The following FAM9A variants were observed in gnomAD, a reference collection of about 807,000 sequenced individuals.
FAM9A encodes the protein protein FAM9A.
FAM9A carries 49 observed loss-of-function variants against 25.0 expected under a neutral mutation model. The observed-to-expected ratio is 1.96, with a 90% CI of 1.56 to 2.48. FAM9A has a LOEUF of 2.48. FAM9A is among the 30% of genes most tolerant of loss of function. The probability of loss-of-function intolerance (pLI) is 0.00; values close to 1 mark genes in which losing one functional copy is unlikely to be tolerated. For missense variants in FAM9A, 266 were observed against 249.3 expected, an observed-to-expected ratio of 1.07 and a Z score of -0.45; for synonymous variants, 80 against 85.1, an observed-to-expected ratio of 0.94 and a Z score of 0.33.
intron 2 of FAM9A, among the ~76,000 whole-genome samples, chrX:8,799,329 G>A (rs1416081208): frequency 9.0e-6 from 1 of 110,516 alleles, no homozygotes; most frequent in Non-Finnish European, 1.9e-5. Flanking sequence ...AATGGCCCCT[G>A]CAGGATCCTT....
chrX:8,794,926 G>A (rs932303978), intron 7 of FAM9A, 152 bp downstream of exon 7: 2 of 839,970 alleles, frequency 2.4e-6, no homozygotes, highest in African/African-American at 4.1e-5. Flanking sequence ...AATGCTGCGT[G>A]GCAATTATAT....
At position 8,801,380 on chromosome X, in the gene FAM9A, A is replaced by G. The variant is rs748714188; in HGVS notation, c.-108T>C. The G allele has an allele frequency of 7.1e-5, 8 of 112,039 alleles. No homozygotes were observed. The highest frequency in any genetic ancestry group is 1.3e-4 in the Non-Finnish European group (7 of 53,069). The allele number at this position is 112,039 out of a possible 1,213,427, so 9.2% of individuals were successfully genotyped here. On this transcript the variant is annotated 5_prime_UTR_variant, in exon 1 of 10. Transcript: ENST00000381003. Reference sequence around the variant, plus strand: ...TGGCACCACGACGCTCTCTTAGAAAAATGGGTCCTCAGTTCTCGCGAGAGC... The same window carrying G: ...TGGCACCACGACGCTCTCTTAGAAAGATGGGTCCTCAGTTCTCGCGAGAGC...
rs144289801 is a variant in FAM9A, at chrX:8,800,373, G to C, written c.-38-164C>G. 7.3e-3 allele frequency among the ~76,000 whole-genome samples: 816 copies of C among 111,058 alleles called. 2 individuals carry two copies. The highest frequency in any genetic ancestry group is 0.011 in the African/African-American group (343 of 30,595). On this transcript the variant is annotated intron_variant, in intron 1 of 9. Coordinates refer to ENST00000381003, the MANE Select transcript of FAM9A (RefSeq NM_174951.3). ...ATGCCAGTGTCCCCTCCTATCCTTC[G>C]TGGCCCGTCCAGCCCGTCCCTGGGG...
chrX:8,796,437 C>A, intron 5 of FAM9A, 55 bp from the exon 6 acceptor site: 2 of 779,440 alleles, frequency 2.6e-6, no homozygotes, highest in East Asian at 3.4e-5. Flanking sequence ...GGTTTCTTCG[C>A]ATATATTGAA....
Position 8,795,136 on chromosome X carries a change from C to G in FAM9A, c.773G>C (p.Gly258Ala). The change falls in exon 7 of 10, where the codon GGA (glycine) becomes GCA (alanine). Residue 258 changes from glycine to alanine, a missense_variant. Transcript: ENST00000381003. ...EGEEGGGGGE[G>A]EETEEEEEEE... ...CTCTTCCTCTTCTTCTGTTTCTTCT[C>G]CTTCTCCTCCTCCTCCTCCTTCTTC... 2 of 1,100,573 alleles carry G rather than the reference C, an allele frequency of 1.8e-6. No individual in the cohort carries two copies. The highest frequency in any genetic ancestry group is 4.1e-5 in the South Asian group (2 of 48,542). The allele number at this position is 1,100,573 out of a possible 1,213,427, so 90.7% of individuals were successfully genotyped here.
rs1425638627 is a variant in FAM9A at position 8,799,225 on chromosome X, T to C, written c.92-131A>G. 982 of 905,416 alleles carry C rather than the reference T, an allele frequency of 1.1e-3. 4 individuals are homozygous for C. In the East Asian group the frequency reaches 0.015, roughly 14 times the overall value. The allele number at this position is 905,416 out of a possible 1,213,427, so 74.6% of individuals were successfully genotyped here. A position where few individuals can be genotyped will look rare whatever the true frequency, so the allele number is the denominator to read the frequency against. On this transcript the variant is annotated intron_variant, in intron 2 of 9. Coordinates refer to ENST00000381003, the MANE Select transcript of FAM9A (RefSeq NM_174951.3). ...TGTATCCTGTGGGAGCAGGAGGGGA[T>C]GGAGAAGATGCCAGTGTCCCCTCCT...
rs777179121 is a variant in FAM9A, at chrX:8,800,157, G to C, written c.15C>G (p.Gly5=). Residue 5 remains glycine, a synonymous_variant, in exon 2 of 10, where the codon GGC becomes GGG. Coordinates refer to ENST00000381003, the MANE Select transcript of FAM9A (RefSeq NM_174951.3). ...TGGCAGCCTTCCTGCTGCGCTTCCT[G>C]CCCACGGGCTCCATGGTTGGCTGTC... The part of the protein sequence containing the change: MEPV[G]RKRSRKAAKA... 2 of 1,209,069 alleles carry C rather than the reference G, an allele frequency of 1.7e-6. No homozygotes were observed. Among genetic ancestry groups the C allele is most frequent in the East Asian group, 5.9e-5 (2 of 33,635 alleles).
intron 6 of FAM9A, 32 bp from the exon 7 acceptor site, chrX:8,795,452 G>T: frequency 9.1e-7 from 1 of 1,101,096 alleles, no homozygotes; most frequent in Non-Finnish European, 1.2e-6. Context: ...ACGGTCATAT[G>T]TCATAGAGAG....
In FAM9A at chrX:8,798,449, T is replaced by A; in HGVS notation, c.251A>T (p.Glu84Val). 1 of 1,211,765 alleles carries A rather than the reference T, an allele frequency of 8.3e-7. No individual in the cohort carries two copies. Among genetic ancestry groups the A allele is most frequent in the Non-Finnish European group, 1.1e-6 (1 of 895,543 alleles). The change falls in exon 4 of 10, where the codon GAA becomes GTA. Residue 84 changes from glutamate to valine, a missense_variant. Transcript: ENST00000381003. The part of the protein sequence containing the change: ...GKDPVRDECE[E>V]RNPFTETREE... ...CCTTGTTTCTGTAAAAGGGTTTCTT[T>A]CCTCACATTCATCACGGACTGGATC...
intron 8 of FAM9A, 103 bp downstream of exon 8, chrX:8,793,555 G>T: frequency 3.3e-6 from 2 of 614,255 alleles, no homozygotes; most frequent in Non-Finnish European, 5.1e-6. Context: ...AATTTAAAAT[G>T]CATAACCAAA....
intron 8 of FAM9A, among the ~76,000 whole-genome samples, chrX:8,793,304 A>G (rs938699121): frequency 3.5e-4 from 39 of 112,057 alleles, no homozygotes; most frequent in African/African-American, 1.2e-3. Context: ...GGAATCATGT[A>G]TCTCCTACCG....
chrX:8,799,163 T>C, intron 2 of FAM9A, 69 bp from the exon 3 acceptor site: 1 of 1,068,922 alleles, frequency 9.4e-7, no homozygotes, highest in Admixed American at 2.7e-5. Context: ...GCCAACGGGA[T>C]CTCGGATTCA....
chrX:8,798,080 T>C, intron 5 of FAM9A, 70 bp downstream of exon 5: 1 of 1,045,684 alleles, frequency 9.6e-7, no homozygotes, highest in Non-Finnish European at 1.3e-6. Flanking sequence ...CACTAATTCA[T>C]ATAACCTACT....
chrX:8,798,878 G>A (rs1357254974), intron 3 of FAM9A, 88 bp downstream of exon 3: 2 of 1,181,080 alleles, frequency 1.7e-6, no homozygotes, highest in Non-Finnish European at 2.3e-6. Flanking sequence ...AGGGGTCTCG[G>A]GCTGCCCATG....
At chrX:8,791,543 C>T (rs1933471380) in intron 8 of FAM9A, among the ~76,000 whole-genome samples, 164 bp from the exon 9 acceptor site, 1 of 111,870 alleles carries the variant, frequency 8.9e-6, no homozygotes, top group Admixed American at 9.5e-5. Flanking sequence ...GCTCCAAATA[C>T]CCACTTAAAT....
Position 8,798,349 on chromosome X carries a change from A to C in FAM9A, c.341+10T>G, listed in dbSNP as rs941695959. 2 of 1,208,701 alleles carry C rather than the reference A, an allele frequency of 1.7e-6. No individual in the cohort carries two copies. Among genetic ancestry groups the C allele is most frequent in the African/African-American group, 3.5e-5 (2 of 57,171 alleles). On this transcript the variant is annotated intron_variant, in intron 4 of 9. Coordinates refer to ENST00000381003, the MANE Select transcript of FAM9A (RefSeq NM_174951.3). ...CTATCCGACAGGCAAAAGTGACTTA[A>C]ACACTTTACCCCGTGTGTTCATCTT...
intron 6 of FAM9A, among the ~76,000 whole-genome samples, chrX:8,795,860 T>C (rs1170739669): frequency 8.9e-6 from 1 of 112,087 alleles, no homozygotes; most frequent in Non-Finnish European, 1.9e-5. Context: ...CTAAAAGGAA[T>C]AGTGAAAACA....
chrX:8,792,399 A>C (rs1025781547), intron 8 of FAM9A, among the ~76,000 whole-genome samples: 9 of 111,244 alleles, frequency 8.1e-5, no homozygotes, highest in African/African-American at 2.0e-4. Flanking sequence ...AGTACAAGCA[A>C]GGAAGAATGA....
At chrX:8,800,313 C>T (rs1328997726) in intron 1 of FAM9A, 104 bp from the exon 2 acceptor site, 7 of 907,616 alleles carry the variant, frequency 7.7e-6, no homozygotes, top group Middle Eastern at 3.8e-4. Flanking sequence ...TGGCCCACCC[C>T]GTGTATCCTG....
Sources: allele counts gnomAD v4.1 joint callset (sites outside exome capture counted in the v4.1 genomes callset), GRCh38; gene constraint gnomAD v4.1.1; transcripts MANE v1.5; gene names NCBI Gene and HGNC (gene_info 2026-07-23, HGNC 2026-07-21).